LRRC4C: variants seen among roughly 807,000 people sequenced by gnomAD.
LRRC4C encodes leucine rich repeat containing 4C.
Under a neutral mutation model 33.6 loss-of-function variants are expected in LRRC4C, and 5 were observed. The ratio of observed to expected loss-of-function variants is 0.15; its 90% confidence interval spans 0.08 to 0.31. The LOEUF is 0.31. LRRC4C is among the 10% of genes least tolerant of loss of function. The pLI is 1.00. For missense variants in LRRC4C, 560 were observed against 796.7 expected (o/e 0.70, Z 3.58); for synonymous variants, 329 against 302.0 (o/e 1.09, Z -0.93).
chr11:40,207,484 C>T (rs919584552), intron 5 of LRRC4C, among the ~76,000 whole-genome samples: 3 of 152,042 alleles, frequency 2.0e-5, no homozygotes, highest in Admixed American at 2.0e-4. Flanking sequence ...CACCTGTAGT[C>T]CTAGTTACTC....
At chr11:40,158,396 C>G (rs1225447135) in intron 5 of LRRC4C, among the ~76,000 whole-genome samples, 1 of 151,994 alleles carries the variant, frequency 6.6e-6, no homozygotes, top group South Asian at 2.1e-4. Flanking sequence ...ACAACCTGTA[C>G]CCCAATAACT....
At chr11:40,767,465 C>T (rs7109153) in intron 2 of LRRC4C, among the ~76,000 whole-genome samples, 2,711 of 152,018 alleles carry the variant, frequency 0.018, 81 homozygotes, top group African/African-American at 0.061. Flanking sequence ...GCACTATAGA[C>T]CAAATGAAAC....
At chr11:40,361,823 G>T (rs896242324) in intron 3 of LRRC4C, among the ~76,000 whole-genome samples, 3 of 152,078 alleles carry the variant, frequency 2.0e-5, no homozygotes, top group African/African-American at 7.2e-5. Flanking sequence ...TAAGCAAAAA[G>T]AACAAAGCTG....
intron 2 of LRRC4C, among the ~76,000 whole-genome samples, chr11:40,717,446 T>C (rs1946786273): frequency 6.6e-6 from 1 of 152,154 alleles, no homozygotes; most frequent in South Asian, 2.1e-4. Context: ...AAATATAAGC[T>C]TGATGAAGAG....
chr11:40,590,525 C>T (rs1478416288), intron 3 of LRRC4C, among the ~76,000 whole-genome samples: 1 of 152,024 alleles, frequency 6.6e-6, no homozygotes, highest in Non-Finnish European at 1.5e-5. Context: ...TGGTGAGGAA[C>T]TGTGTTCCTT....
chr11:40,321,819 T>G (rs545865730), intron 3 of LRRC4C, among the ~76,000 whole-genome samples: 1 of 152,340 alleles, frequency 6.6e-6, no homozygotes, highest in South Asian at 2.1e-4. Flanking sequence ...CAATTGTATG[T>G]TCAGGGGAAC....
intron 5 of LRRC4C, among the ~76,000 whole-genome samples, chr11:40,226,999 G>A (rs1864847700): frequency 6.6e-6 from 1 of 152,070 alleles, no homozygotes; most frequent in African/African-American, 2.4e-5. Flanking sequence ...CCTCCTGAAA[G>A]GTGAGACCTC....
intron 2 of LRRC4C, among the ~76,000 whole-genome samples, chr11:40,691,434 T>A (rs1945217120): frequency 6.6e-6 from 1 of 152,104 alleles, no homozygotes; most frequent in Admixed American, 6.6e-5. Flanking sequence ...TTCTTTCACA[T>A]AAACCTCACA....
At chr11:40,842,309 CTT>C (rs1280693308) in intron 2 of LRRC4C, among the ~76,000 whole-genome samples, 1 of 152,148 alleles carries the variant, frequency 6.6e-6, no homozygotes, top group Non-Finnish European at 1.5e-5. Flanking sequence ...CATCCCAACT[CTT>C]AACATTCTTC....
At chr11:41,384,570 T>C (rs1953282156) in intron 1 of LRRC4C, among the ~76,000 whole-genome samples, 1 of 151,476 alleles carries the variant, frequency 6.6e-6, no homozygotes, top group Admixed American at 6.6e-5. Flanking sequence ...ATCTCCTGGG[T>C]GTTAAATATA....
chr11:40,422,113 T>C (rs1209157122), intron 3 of LRRC4C, among the ~76,000 whole-genome samples: 3 of 152,230 alleles, frequency 2.0e-5, no homozygotes, highest in Non-Finnish European at 4.4e-5. Flanking sequence ...AAGAGTTTAG[T>C]TCCTGAAGAT....
At chr11:40,164,828 C>G (rs1859451364) in intron 5 of LRRC4C, among the ~76,000 whole-genome samples, 1 of 152,120 alleles carries the variant, frequency 6.6e-6, no homozygotes, top group Non-Finnish European at 1.5e-5. Context: ...GATCATTACA[C>G]CATGTATGCA....
At chr11:40,934,921 C>T (rs562744334) in intron 1 of LRRC4C, among the ~76,000 whole-genome samples, 12 of 152,242 alleles carry the variant, frequency 7.9e-5, no homozygotes, top group African/African-American at 2.6e-4. Context: ...TGCTATTTCT[C>T]CTCAGGTCAG....
chr11:40,684,326 A>T (rs1322277632), intron 2 of LRRC4C, among the ~76,000 whole-genome samples: 1 of 152,080 alleles, frequency 6.6e-6, no homozygotes, highest in Non-Finnish European at 1.5e-5. Flanking sequence ...AAGTACAATC[A>T]CAGAAATTAA....
chr11:40,241,441 T>C (rs1479983766), intron 5 of LRRC4C, 78 bp downstream of exon 5: 1 of 152,074 alleles, frequency 6.6e-6, no homozygotes, highest in Admixed American at 6.6e-5. Context: ...CAAAAAAACC[T>C]TTAAAAGATT....
At chr11:40,832,213 A>G (rs942093988) in intron 2 of LRRC4C, among the ~76,000 whole-genome samples, 1 of 152,086 alleles carries the variant, frequency 6.6e-6, no homozygotes, top group Non-Finnish European at 1.5e-5. Flanking sequence ...TGTTCATCTA[A>G]ACATATCTAA....
At chr11:40,606,519 T>C (rs1960609946) in intron 3 of LRRC4C, among the ~76,000 whole-genome samples, 1 of 150,908 alleles carries the variant, frequency 6.6e-6, no homozygotes, top group Non-Finnish European at 1.5e-5. Flanking sequence ...CACAAAGAAA[T>C]AAAGAAACAT....
chr11:40,815,039 C>A (rs1951651071), intron 2 of LRRC4C, among the ~76,000 whole-genome samples: 1 of 152,094 alleles, frequency 6.6e-6, no homozygotes, highest in South Asian at 2.1e-4. Context: ...TCCAGTAGCA[C>A]ACACTCTAAT....
chr11:40,644,713 T>C (rs35600358), intron 3 of LRRC4C, among the ~76,000 whole-genome samples: 25,292 of 152,132 alleles, frequency 0.17, 2,509 homozygotes, highest in Admixed American at 0.26. Flanking sequence ...AATGACAAAG[T>C]TACGGAAATA....
Sources: gnomAD v4.1 joint callset for allele counts (sites outside exome capture counted in the v4.1 genomes callset) on GRCh38, gnomAD v4.1.1 for gene constraint, MANE v1.5 for transcripts, NCBI Gene and HGNC (gene_info 2026-07-23, HGNC 2026-07-21) for gene names.